Variants in NLRP6 observed in about 807,000 individuals in gnomAD.
The protein encoded by NLRP6 is NLR family pyrin domain containing 6.
A neutral mutation model predicts 70.9 loss-of-function variants in NLRP6; 55 were observed. The observed-to-expected ratio is 0.78, with a 90% confidence interval of 0.62 to 0.97. The LOEUF (loss-of-function observed/expected upper bound fraction) is 0.97, where lower values mean the gene tolerates loss of function less well. NLRP6 is among the 50% of genes least tolerant of loss of function. NLRP6 has a pLI of 0.00. For synonymous variants in NLRP6, 652 were observed against 581.9 expected (o/e 1.12, Z -1.73); for missense variants, 1,241 against 1,238.3 (o/e 1.00, Z -0.03).
rs779718495 is a variant in NLRP6, at chr11:281,117, C to A, written c.1383C>A (p.Ala461=). ...EGVLGRRAQF[A]EKELEQLELR... is the part of the protein sequence containing the mutation. ...TCCTCGGACGCAGGGCGCAGTTTGC[C>A]GAGAAGGAACTGGAGCAACTGGAGC... The change falls in exon 4 of 8, where the codon GCC becomes GCA. Residue 461 remains alanine (A), a synonymous_variant. Transcript: ENST00000534750. The A allele has an allele frequency of 1.2e-6, 2 of 1,612,780 alleles. No individual in the cohort carries two copies. Among genetic ancestry groups the A allele is most frequent in the Non-Finnish European group, 1.7e-6 (2 of 1,179,812 alleles).
At chr11:281,930 G>A (rs1011435723) in intron 4 of NLRP6, 91 bp downstream of exon 4, 16 of 1,232,680 alleles carry the variant, frequency 1.3e-5, no homozygotes, top group Middle Eastern at 2.3e-4. Context: ...GGCATGGGGC[G>A]CACCTCCAGA....
At position 284,292 on chromosome 11, in the gene NLRP6, C is replaced by T. The variant is rs1158047012; in HGVS notation, c.2261C>T (p.Ala754Val). ...GACCTTTCTGAGGCCCTGAGGGCAGCCCCCGCACTGACGGAGCTGGGCCTC... is the reference window on the plus strand; with the variant it reads ...GACCTTTCTGAGGCCCTGAGGGCAGTCCCCGCACTGACGGAGCTGGGCCTC... ...CRDLSEALRA[A>V]PALTELGLLH... The change falls in exon 6 of 8, where the codon GCC (alanine) becomes GTC (valine). Residue 754 changes from alanine (A) to valine (V), a missense_variant. Physicochemically the swap from Ala to Val is moderately conservative, Grantham distance 64. Transcript: ENST00000534750. The T allele has an allele frequency of 5.0e-6, 8 of 1,612,398 alleles. No homozygotes were observed. The highest frequency in any genetic ancestry group is 6.8e-6 in the Non-Finnish European group (8 of 1,179,738).
rs1053506209 is a variant in NLRP6 at position 285,119 on chromosome 11, G to C, written c.2538-47G>C. 9 of 1,549,452 alleles carry C rather than the reference G, an allele frequency of 5.8e-6. No individual in the cohort carries two copies. In the Admixed American group the frequency reaches 9.7e-5, roughly 17 times the overall value. On this transcript the variant is annotated intron_variant, in intron 7 of 7. Transcript: ENST00000534750. ...ACGGCACTGCCCCCAAGCCCTGGCT[G>C]CTTTCCCCCACCGCTGACCCCGCTT...
rs138727246 is a variant in NLRP6 at position 284,145 on chromosome 11, A to G, written c.2199-85A>G. 3,430 of 1,271,130 alleles carry G rather than the reference A, an allele frequency of 2.7e-3. 34 individuals carry two copies. In the Middle Eastern group the frequency reaches 0.047, roughly 17 times the overall value. 78.7% of individuals were successfully genotyped at this position (1,271,130 alleles called of 1,614,324 possible). A position where few individuals can be genotyped will look rare whatever the true frequency, so the allele number is the denominator to read the frequency against. On this transcript the variant is annotated intron_variant, in intron 5 of 7. Coordinates refer to ENST00000534750, the MANE Select transcript of NLRP6 (RefSeq NM_001276700.2). ...ACATCTCTCAGCTGAACCCTGGGCC[A>G]CCGGGCAGCGGGCATTTTGTGCAGT...
In NLRP6 at chr11:279,803, C is replaced by T. The variant is rs555633383; in HGVS notation, c.311-31C>T. 3.8e-5 allele frequency: 60 copies of T among 1,579,646 alleles called. No individual in the cohort carries two copies. In the East Asian group the frequency reaches 1.4e-3, roughly 36 times the overall value. On this transcript the variant is annotated intron_variant, in intron 2 of 7. Transcript: ENST00000534750. ...TGGCGCCTTCCCCTGTTCCCGCCCT[C>T]GGCGGAACCTCACCCCAGTTTCCCT... is the stretch of plus-strand genomic sequence containing the variant.
At position 284,553 on chromosome 11, in the gene NLRP6, G is replaced by A; in HGVS notation, c.2448G>A (p.Leu816=). The A allele has an allele frequency of 1.2e-6, 2 of 1,612,734 alleles. No individual in the cohort carries two copies. Among genetic ancestry groups the A allele is most frequent in the Non-Finnish European group, 1.7e-6 (2 of 1,179,830 alleles). Residue 816 remains leucine, a synonymous_variant, in exon 7 of 8, where the codon CTG becomes CTA. Coordinates refer to ENST00000534750, the MANE Select transcript of NLRP6 (RefSeq NM_001276700.2). ...GGCAGAGCCCTGCCCTGACCACCCTGGATCTCAGCGGCTGCCAACTGCCCG... is the reference window on the plus strand; with the variant it reads ...GGCAGAGCCCTGCCCTGACCACCCTAGATCTCAGCGGCTGCCAACTGCCCG... The part of the protein sequence containing the change: ...MLRQSPALTT[L]DLSGCQLPAP...
rs142922223 is a variant in NLRP6 at position 284,255 on chromosome 11, G to T, written c.2224G>T (p.Ala742Ser). The T allele has an allele frequency of 5.6e-6, 9 of 1,613,218 alleles. No individual in the cohort carries two copies. Among genetic ancestry groups the T allele is most frequent in the South Asian group, 2.2e-5 (2 of 91,076 alleles). ...LTLSHCKLPDAVCRDLSEALR... is the reference protein window; with the variant it reads ...LTLSHCKLPDSVCRDLSEALR... ...GCTGTCCCACTGCAAACTCCCTGAC[G>T]CGGTCTGCCGAGACCTTTCTGAGGC... The change falls in exon 6 of 8, where the codon GCG (alanine) becomes TCG (serine). Residue 742 changes from alanine to serine, a missense_variant. Transcript: ENST00000534750.
At chr11:280,048 G>T in intron 3 of NLRP6, 36 bp from the exon 4 acceptor site, 1 of 1,452,504 alleles carries the variant, frequency 6.9e-7, no homozygotes, top group Non-Finnish European at 9.1e-7. Context: ...CCCCACCTCC[G>T]ACCCTTGTCC....
At position 281,495 on chromosome 11, in the gene NLRP6, C is replaced by G; in HGVS notation, c.1761C>G (p.Pro587=). Residue 587 remains proline, a synonymous_variant, in exon 4 of 8, where the codon CCC becomes CCG. Coordinates refer to ENST00000534750, the MANE Select transcript of NLRP6 (RefSeq NM_001276700.2). ...TGCAGGGACAGGGACAGGGCTGCCC[C>G]GGAGTGGCACCAGAGGTGACCGAGG... ...RWVQGQGQGC[P]GVAPEVTEGA... The G allele has an allele frequency of 6.3e-7, 1 of 1,598,312 alleles. No individual in the cohort carries two copies. Among genetic ancestry groups the G allele is most frequent in the Non-Finnish European group, 8.5e-7 (1 of 1,170,844 alleles).
At chr11:279,675 G>A in intron 2 of NLRP6, 68 bp downstream of exon 2, 2 of 1,364,008 alleles carry the variant, frequency 1.5e-6, no homozygotes, top group Non-Finnish European at 9.4e-7. Context: ...CCGCTTCCCG[G>A]AGAAGCCCCG....
At chr11:282,623 A>G in intron 4 of NLRP6, 82 bp from the exon 5 acceptor site, 1 of 1,090,560 alleles carries the variant, frequency 9.2e-7, no homozygotes, top group Non-Finnish European at 1.4e-6. Flanking sequence ...CTGAGACCCC[A>G]GGACTACAGA....
At position 280,137 on chromosome 11, in the gene NLRP6, G is replaced by T; in HGVS notation, c.403G>T (p.Glu135Ter). 1 of 1,546,820 alleles carries T rather than the reference G, an allele frequency of 6.5e-7. No individual in the cohort carries two copies. Among genetic ancestry groups the T allele is most frequent in the Non-Finnish European group, 8.7e-7 (1 of 1,147,368 alleles). ...GCTGCAGCTGCACGCTCGGGTGAAG[G>T]AGAGGAACGCCCGCTCCGTGAAGAT... ...HVLQLHARVK[E>*]RNARSVKITK... Residue 135 changes from glutamate to a stop codon, truncating the protein, a stop_gained, in exon 4 of 8, where the codon GAG (glutamate) becomes TAG (stop). Coordinates refer to ENST00000534750, the MANE Select transcript of NLRP6 (RefSeq NM_001276700.2). LOFTEE classifies it high-confidence loss of function.
Position 280,987 on chromosome 11 carries a change from T to C in NLRP6, c.1253T>C (p.Val418Ala). Reference sequence around the variant, plus strand: ...CGCACGTCCAAGACCACCACGTCAGTGTACCTGCTTTTCATCACCAGCGTT... The same window carrying C: ...CGCACGTCCAAGACCACCACGTCAGCGTACCTGCTTTTCATCACCAGCGTT... ...LSRTSKTTTS[V>A]YLLFITSVLS... is the part of the protein sequence containing the mutation. The change falls in exon 4 of 8, where the codon GTG becomes GCG. Residue 418 changes from valine to alanine, a missense_variant. Physicochemically the swap from Val to Ala is moderately conservative, Grantham distance 64 (BLOSUM62 0). Transcript: ENST00000534750. The C allele has an allele frequency of 6.2e-7, 1 of 1,613,132 alleles. No homozygotes were observed. The highest frequency in any genetic ancestry group is 8.5e-7 in the Non-Finnish European group (1 of 1,179,968).
Position 280,540 on chromosome 11 carries a change from C to T in NLRP6, c.806C>T (p.Ala269Val), listed in dbSNP as rs1051652023. 47 of 1,549,060 alleles carry T rather than the reference C, an allele frequency of 3.0e-5. No homozygotes were observed. The highest frequency in any genetic ancestry group is 3.8e-5 in the Admixed American group (2 of 52,866). ...DRGAPVPQMLAQPQRLLFILD... is the reference protein window; with the variant it reads ...DRGAPVPQMLVQPQRLLFILD... ...GGCGCGCCGGTGCCGCAGATGCTGG[C>T]CCAGCCGCAGCGGCTGCTCTTCATC... Residue 269 changes from alanine to valine, a missense_variant, in exon 4 of 8, where the codon GCC becomes GTC. Physicochemically the swap from Ala to Val is moderately conservative, Grantham distance 64. Transcript: ENST00000534750.
intron 3 of NLRP6, 82 bp from the exon 4 acceptor site, chr11:280,002 C>T: frequency 7.1e-7 from 1 of 1,413,036 alleles, no homozygotes; most frequent in Non-Finnish European, 9.3e-7. Flanking sequence ...CTGAGCAGGG[C>T]CGGGGAGGGC....
In NLRP6 at chr11:280,677, GCGCTGCT is replaced by G; in HGVS notation, c.944_950del (p.Ala315GlyfsTer8). 6.4e-7 allele frequency: 1 copy of G among 1,556,028 alleles called. No homozygotes were observed. The highest frequency in any genetic ancestry group is 8.7e-7 in the Non-Finnish European group (1 of 1,155,782). The stretch of plus-strand genomic sequence containing the variant: ...GGTGCTAGGCGGGCTGCTGAGCAAG[GCGCTGCT>G]GCCCACGGCCCTCCTGCTGGTGACC... On this transcript the variant is annotated frameshift_variant, in exon 4 of 8. Coordinates refer to ENST00000534750, the MANE Select transcript of NLRP6 (RefSeq NM_001276700.2). LOFTEE classifies it high-confidence loss of function.
At position 281,436 on chromosome 11, in the gene NLRP6, T is replaced by G. The variant is rs1366989190; in HGVS notation, c.1702T>G (p.Ser568Ala). 5.6e-6 allele frequency: 9 copies of G among 1,605,286 alleles called. No homozygotes were observed. Among genetic ancestry groups the G allele is most frequent in the Non-Finnish European group, 7.7e-6 (9 of 1,175,594 alleles). The stretch of plus-strand genomic sequence containing the variant: ...CGAGCGCCACTTCGGCTGCATGGTT[T>G]CAGAGCGTGTGAAGCAGGAGGCCCT... Reference protein sequence around the residue: ...DIERHFGCMVSERVKQEALRW... With the variant: ...DIERHFGCMVAERVKQEALRW... Residue 568 changes from serine (S) to alanine (A), a missense_variant, in exon 4 of 8, where the codon TCA (serine) becomes GCA (alanine). Physicochemically the swap from Ser to Ala is moderately conservative, Grantham distance 99. Transcript: ENST00000534750.
intron 5 of NLRP6, among the ~76,000 whole-genome samples, 164 bp from the exon 6 acceptor site, chr11:284,066 G>A (rs1393636305): frequency 6.6e-6 from 1 of 152,156 alleles, no homozygotes; most frequent in Non-Finnish European, 1.5e-5. Context: ...GGGGTGCATG[G>A]TGACAAAGGG....
At position 278,715 on chromosome 11, in the gene NLRP6, C is replaced by A; in HGVS notation, c.29+117C>A. 2 of 716,974 alleles carry A rather than the reference C, an allele frequency of 2.8e-6. No homozygotes were observed. Among genetic ancestry groups the A allele is most frequent in the Admixed American group, 3.3e-5 (1 of 29,914 alleles). 44.4% of individuals were successfully genotyped at this position (716,974 alleles called of 1,614,324 possible). On this transcript the variant is annotated intron_variant, in intron 1 of 7. Coordinates refer to ENST00000534750, the MANE Select transcript of NLRP6 (RefSeq NM_001276700.2). The surrounding 1 kb of genome is among the most constrained non-coding windows in gnomAD (Gnocchi z 4.7). The stretch of plus-strand genomic sequence containing the variant: ...ACCCTTGTCCACATCCTTCCCCCAC[C>A]CTCACTCCCAGGCTCAGGAGCCAAG...
Sources: allele counts gnomAD v4.1 joint callset (sites outside exome capture counted in the v4.1 genomes callset), GRCh38; gene constraint gnomAD v4.1.1; non-coding constraint Gnocchi (gnomAD v3.1); transcripts MANE v1.5; gene names NCBI Gene and HGNC (gene_info 2026-07-23, HGNC 2026-07-21).